The following ADAP2 variants were observed in gnomAD, a reference collection of about 807,000 sequenced individuals.
The protein encoded by ADAP2 is arf-GAP with dual PH domain-containing protein 2.
In ADAP2, 42 loss-of-function variants were observed where a neutral mutation model predicts 54.9. The observed-to-expected ratio is 0.77, with a 90% CI of 0.60 to 0.99. ADAP2 has a LOEUF of 0.99. ADAP2 is among the 50% of genes least tolerant of loss of function. The pLI, the probability that ADAP2 is intolerant of heterozygous loss-of-function variation, is 0.00. For synonymous variants in ADAP2, 177 were observed against 180.1 expected (o/e 0.98, Z 0.14); for missense variants, 429 against 480.4 (o/e 0.89, Z 1.00).
rs749810909 is a variant in ADAP2, at chr17:30,953,364, C to T, written c.804+14C>T. ...ACTGGGCCAAAGGTACCTTCTATCA[C>T]TCCCTGGGGAACTTAATATGGTTTA... is the stretch of plus-strand genomic sequence containing the variant. On this transcript the variant is annotated intron_variant, in intron 8 of 10. Transcript: ENST00000330889. 3.5e-5 allele frequency: 56 copies of T among 1,612,298 alleles called. No homozygotes were observed. The highest frequency in any genetic ancestry group is 4.6e-5 in the Non-Finnish European group (54 of 1,178,676).
Position 30,956,455 on chromosome 17 carries a change from C to T in ADAP2, c.1097C>T (p.Pro366Leu). ...LRGVLSSPLT[P>L]LNRLTASTES... Reference sequence around the variant, plus strand: ...GGTGTCCTGTCCAGCCCCTTGACGCCCCTCAACCGGCTTAGTAAGAAGCAG... The same window carrying T: ...GGTGTCCTGTCCAGCCCCTTGACGCTCCTCAACCGGCTTAGTAAGAAGCAG... The change falls in exon 10 of 11, where the codon CCC becomes CTC. Residue 366 changes from proline (P) to leucine (L), a missense_variant. Transcript: ENST00000330889. The T allele has an allele frequency of 6.2e-7, 1 of 1,614,142 alleles. No individual in the cohort carries two copies. Among genetic ancestry groups the T allele is most frequent in the Non-Finnish European group, 8.5e-7 (1 of 1,180,008 alleles).
At chr17:30,957,463 T>G (rs948587360) in intron 10 of ADAP2, among the ~76,000 whole-genome samples, 26 of 151,708 alleles carry the variant, frequency 1.7e-4, no homozygotes, top group Non-Finnish European at 3.4e-4. Context: ...GGTCTTGCAC[T>G]GTCACCCAGG....
At chr17:30,949,765 AAAAAGAAG>A (rs1040382524) in intron 7 of ADAP2, among the ~76,000 whole-genome samples, 13 of 151,456 alleles carry the variant, frequency 8.6e-5, no homozygotes, top group East Asian at 3.9e-4. Flanking sequence ...AAAAAAAAAA[AAAAAGAAG>A]AAGAAGCCAG....
Position 30,925,527 on chromosome 17 carries a change from CTCT to C in ADAP2, c.226-1288_226-1286del, listed in dbSNP as rs940375532. ...TTCCTTCTTCTTCTTCCTCCTCCTC[CTCT>C]TCTTCTTCTTCCTTCTTCCTTCTTC... On this transcript the variant is annotated intron_variant, in intron 2 of 10. Coordinates refer to ENST00000330889, the MANE Select transcript of ADAP2 (RefSeq NM_018404.3). Among the ~76,000 whole-genome samples the C allele has an allele frequency of 3.7e-4, 56 of 150,726 alleles. 1 individual carries two copies. Among genetic ancestry groups the C allele is most frequent in the Admixed American group, 1.3e-3 (19 of 14,980 alleles).
rs151089778 is a variant in ADAP2 at position 30,956,299 on chromosome 17, A to C, written c.941A>C (p.Tyr314Ser). The stretch of plus-strand genomic sequence containing the variant: ...AACAAGGAGCAGGGATATGAAGCCT[A>C]CGAAGACCTGCCCAAGGGCATCCGA... ...LGNKEQGYEAYEDLPKGIRGN... is the reference protein window; with the variant it reads ...LGNKEQGYEASEDLPKGIRGN... Residue 314 changes from tyrosine to serine, a missense_variant, in exon 10 of 11, where the codon TAC becomes TCC. Tyr to Ser is a moderately radical substitution (Grantham distance 144). Coordinates refer to ENST00000330889, the MANE Select transcript of ADAP2 (RefSeq NM_018404.3). 1.5e-5 allele frequency: 25 copies of C among 1,614,212 alleles called. No individual in the cohort carries two copies. Among genetic ancestry groups the C allele is most frequent in the Non-Finnish European group, 1.9e-5 (23 of 1,180,040 alleles).
intron 4 of ADAP2, 111 bp downstream of exon 4, chr17:30,932,079 C>A: frequency 9.9e-7 from 1 of 1,013,876 alleles, no homozygotes; most frequent in Non-Finnish European, 1.5e-6. Context: ...GCTGTTCTCA[C>A]TGTGGCCGCA....
intron 5 of ADAP2, among the ~76,000 whole-genome samples, chr17:30,941,768 G>T (rs2142551160): frequency 6.6e-6 from 1 of 152,282 alleles, no homozygotes. Flanking sequence ...CAAATAAGTG[G>T]TTATCTGGTG....
intron 2 of ADAP2, among the ~76,000 whole-genome samples, chr17:30,923,602 T>C (rs1345859226): frequency 6.6e-6 from 1 of 151,720 alleles, no homozygotes; most frequent in African/African-American, 2.4e-5. Context: ...TGGGAGGCCC[T>C]GAGCTAGGTA....
chr17:30,947,883 C>T (rs1357048310), intron 6 of ADAP2, among the ~76,000 whole-genome samples: 1 of 152,172 alleles, frequency 6.6e-6, no homozygotes, highest in Non-Finnish European at 1.5e-5. Context: ...AAGCCCAGTC[C>T]AGCCTCTGTG....
chr17:30,926,716 TCTC>T (rs1308609450), intron 2 of ADAP2, 108 bp from the exon 3 acceptor site: 30 of 903,530 alleles, frequency 3.3e-5, no homozygotes, highest in Admixed American at 1.0e-4. Flanking sequence ...CGGTGGGACA[TCTC>T]CTTCTTGGAG....
intron 3 of ADAP2, 96 bp downstream of exon 3, chr17:30,927,014 C>T (rs1052860590): frequency 1.1e-6 from 1 of 937,560 alleles, no homozygotes; most frequent in Admixed American, 2.1e-5. Context: ...GTGGTGGTCT[C>T]TTCTATGGGC....
chr17:30,946,499 G>C lies in ADAP2; in HGVS notation c.657+1446G>C, dbSNP rs113584050. Among the ~76,000 whole-genome samples the C allele has an allele frequency of 3.6e-3, 547 of 152,212 alleles. 10 individuals are homozygous for C. The highest frequency in any genetic ancestry group is 0.013 in the African/African-American group (526 of 41,522). On this transcript the variant is annotated intron_variant, in intron 6 of 10. Transcript: ENST00000330889. ...CTCCCAAAGTGCTGGGATTACAGGGGTGAGCTACTGCGCCCGGCTGAGAAG... is the reference window on the plus strand; with the variant it reads ...CTCCCAAAGTGCTGGGATTACAGGGCTGAGCTACTGCGCCCGGCTGAGAAG...
chr17:30,925,518 C>T (rs955234567), intron 2 of ADAP2, among the ~76,000 whole-genome samples: 1 of 150,068 alleles, frequency 6.7e-6, no homozygotes, highest in African/African-American at 2.5e-5. Context: ...CTTCTTCTTC[C>T]TCCTCCTCCT....
chr17:30,945,202 C>T (rs1912577453), intron 6 of ADAP2, 149 bp downstream of exon 6: 3 of 941,346 alleles, frequency 3.2e-6, no homozygotes, highest in African/African-American at 3.3e-5. Flanking sequence ...TCATTGCCTC[C>T]CAGTCTGAGA....
intron 5 of ADAP2, among the ~76,000 whole-genome samples, chr17:30,942,544 G>A (rs1478580772): frequency 1.3e-5 from 2 of 152,148 alleles, no homozygotes; most frequent in East Asian, 3.8e-4. Flanking sequence ...TGCACAAACT[G>A]ACTGCAACAT....
At chr17:30,940,201 G>A (rs919883253) in intron 5 of ADAP2, among the ~76,000 whole-genome samples, 3 of 151,910 alleles carry the variant, frequency 2.0e-5, no homozygotes, top group East Asian at 1.9e-4. Context: ...GAACTCAACC[G>A]ATCTACCAGC....
intron 7 of ADAP2, among the ~76,000 whole-genome samples, chr17:30,949,618 AGGCGCC>A (rs1904456865): frequency 6.6e-6 from 1 of 151,916 alleles, no homozygotes; most frequent in South Asian, 2.1e-4. Flanking sequence ...GTGTGGTGGC[AGGCGCC>A]TGTAGTCCCA....
At chr17:30,931,298 T>A (rs768308421) in intron 3 of ADAP2, among the ~76,000 whole-genome samples, 1 of 152,152 alleles carries the variant, frequency 6.6e-6, no homozygotes, top group African/African-American at 2.4e-5. Context: ...CATTTGGCAA[T>A]GCCTGAAGAC....
At chr17:30,929,624 G>T (rs984418911) in intron 3 of ADAP2, among the ~76,000 whole-genome samples, 4 of 152,172 alleles carry the variant, frequency 2.6e-5, no homozygotes, top group Non-Finnish European at 5.9e-5. Context: ...CCACCCTCAT[G>T]GTGGGCCAGG....
Sources: gnomAD v4.1 joint callset for allele counts (sites outside exome capture counted in the v4.1 genomes callset) on GRCh38, gnomAD v4.1.1 for gene constraint, MANE v1.5 for transcripts, NCBI Gene and HGNC (gene_info 2026-07-23, HGNC 2026-07-21) for gene names.